The following SGCE variants were observed in gnomAD, a reference collection of about 807,000 sequenced individuals.
The protein encoded by SGCE is sarcoglycan epsilon, also known as epsilon-sarcoglycan.
SGCE carries 26 observed loss-of-function variants against 57.8 expected under a neutral mutation model. The observed-to-expected ratio is 0.45, with a 90% CI of 0.33 to 0.62. SGCE has a LOEUF of 0.62. Among genes scored for constraint, SGCE ranks in the 20% least tolerant of loss-of-function variants. SGCE has a pLI of 0.02. For synonymous variants in SGCE, 183 were observed against 189.5 expected (o/e 0.97, Z 0.28); for missense variants, 468 against 548.6 (o/e 0.85, Z 1.47).
At chr7:94,591,768 TCA>T (rs1209598556) in intron 9 of SGCE, among the ~76,000 whole-genome samples, 1 of 151,798 alleles carries the variant, frequency 6.6e-6, no homozygotes, top group Non-Finnish European at 1.5e-5. Flanking sequence ...ACTTTCTAAA[TCA>T]CAATGGGCTG....
chr7:94,593,106 G>C (rs182574113), intron 9 of SGCE, among the ~76,000 whole-genome samples: 1 of 152,028 alleles, frequency 6.6e-6, no homozygotes, highest in East Asian at 1.9e-4. Flanking sequence ...AGTTGTCATT[G>C]TGACCAAAAG....
chr7:94,593,045 T>C (rs1474161603), intron 9 of SGCE, among the ~76,000 whole-genome samples: 3 of 152,154 alleles, frequency 2.0e-5, no homozygotes, highest in Non-Finnish European at 4.4e-5. Context: ...TCAACTGATA[T>C]TAACTTTTAT....
intron 5 of SGCE, among the ~76,000 whole-genome samples, chr7:94,604,994 A>G (rs1205307126): frequency 1.3e-5 from 2 of 151,574 alleles, no homozygotes; most frequent in East Asian, 1.9e-4. Flanking sequence ...AAAACTAATC[A>G]TAGAATTACA....
At chr7:94,599,899 C>A in intron 7 of SGCE, 176 bp from the exon 8 acceptor site, 2 of 512,072 alleles carry the variant, frequency 3.9e-6, no homozygotes, top group Non-Finnish European at 6.9e-6. Flanking sequence ...ACACATACAG[C>A]GATGGAATAC....
intron 10 of SGCE, among the ~76,000 whole-genome samples, chr7:94,585,843 T>TA (rs1554336199): frequency 4.0e-5 from 6 of 151,768 alleles, no homozygotes; most frequent in Non-Finnish European, 8.8e-5. Flanking sequence ...TCGTGGCTTT[T>TA]AAAAAAATAT....
At chr7:94,604,280 TA>T (rs1273029559) in intron 5 of SGCE, among the ~76,000 whole-genome samples, 2 of 152,056 alleles carry the variant, frequency 1.3e-5, no homozygotes, top group African/African-American at 4.8e-5. Flanking sequence ...TTCCTTTTCA[TA>T]ATGACAATGC....
chr7:94,642,477 A>T lies in SGCE; in HGVS notation c.110-12636T>A, dbSNP rs1365595473. Among the ~76,000 whole-genome samples, 3 of 152,100 alleles carry T rather than the reference A, an allele frequency of 2.0e-5. No individual in the cohort carries two copies. In the South Asian group the frequency reaches 6.2e-4, roughly 32 times the overall value. On this transcript the variant is annotated intron_variant, in intron 1 of 10. Transcript: ENST00000648936. ...TCCCCCAAAATACATATTCACATGT[A>T]CCCCCAAAATATACATAGTAAAAAA...
intron 1 of SGCE, among the ~76,000 whole-genome samples, chr7:94,640,446 C>T (rs1255497930): frequency 6.6e-6 from 1 of 152,100 alleles, no homozygotes; most frequent in Non-Finnish European, 1.5e-5. Context: ...ATCCAAACTG[C>T]CAATCTGCTG....
intron 1 of SGCE, among the ~76,000 whole-genome samples, chr7:94,641,286 G>A (rs1806347599): frequency 6.6e-6 from 1 of 152,186 alleles, no homozygotes; most frequent in South Asian, 2.1e-4. Flanking sequence ...AGTGGTGAGA[G>A]TAGAAGCCAA....
At chr7:94,594,188 C>A (rs1037742004) in intron 9 of SGCE, among the ~76,000 whole-genome samples, 1 of 152,054 alleles carries the variant, frequency 6.6e-6, no homozygotes, top group Non-Finnish European at 1.5e-5. Flanking sequence ...GATGTGAAGT[C>A]TTTGGTCACA....
At chr7:94,601,481 A>G (rs547499734) in intron 6 of SGCE, among the ~76,000 whole-genome samples, 1 of 145,628 alleles carries the variant, frequency 6.9e-6, no homozygotes, top group African/African-American at 2.5e-5. Flanking sequence ...AAAAAACTAC[A>G]ACAGTTGCAC....
intron 9 of SGCE, among the ~76,000 whole-genome samples, chr7:94,596,902 T>C (rs1798477406): frequency 6.6e-6 from 1 of 152,194 alleles, no homozygotes; most frequent in South Asian, 2.1e-4. Context: ...ATAATAACCT[T>C]AAAGAATAAG....
At chr7:94,623,649 G>A in intron 3 of SGCE, 3 of 489,346 alleles carry the variant, frequency 6.1e-6, no homozygotes, top group Non-Finnish European at 1.1e-5. Context: ...TTTCATAGAA[G>A]GCCATTAAGC....
chr7:94,602,538 A>G (rs1799423998), intron 6 of SGCE, among the ~76,000 whole-genome samples: 1 of 152,154 alleles, frequency 6.6e-6, no homozygotes, highest in Non-Finnish European at 1.5e-5. Context: ...TTATATCTAA[A>G]AGATCACTAA....
In SGCE at chr7:94,586,706, C is replaced by T. The variant is rs185746195; in HGVS notation, c.1298-1191G>A. The T allele has an allele frequency of 1.7e-3, 512 of 302,932 alleles. 3 individuals are homozygous for T. Among genetic ancestry groups the T allele is most frequent in the Middle Eastern group, 7.5e-3 (5 of 666 alleles). 18.8% of individuals were successfully genotyped at this position (302,932 alleles called of 1,614,324 possible). A position where few individuals can be genotyped will look rare whatever the true frequency, so the allele number is the denominator to read the frequency against. On this transcript the variant is annotated intron_variant, in intron 10 of 10. Transcript: ENST00000648936. Reference sequence around the variant, plus strand: ...TAGTAGAGACAGGGCTTCGCCATGTCGGGCAGGCTGGTCTTGAACTCCTGA... The same window carrying T: ...TAGTAGAGACAGGGCTTCGCCATGTTGGGCAGGCTGGTCTTGAACTCCTGA...
chr7:94,627,923 CT>C (rs1803993798), intron 3 of SGCE: 1 of 364,098 alleles, frequency 2.7e-6, no homozygotes, highest in East Asian at 5.2e-5. Context: ...CAATTATTTT[CT>C]CAAATAGAAT....
intron 1 of SGCE, among the ~76,000 whole-genome samples, chr7:94,653,255 G>C (rs1808138723): frequency 6.6e-6 from 1 of 152,202 alleles, no homozygotes; most frequent in East Asian, 1.9e-4. Context: ...ATCCCACTTT[G>C]TTTTGAAATA....
intron 3 of SGCE, chr7:94,626,282 T>C (rs1803703297): frequency 6.6e-6 from 1 of 152,096 alleles, no homozygotes; most frequent in Admixed American, 6.6e-5. Context: ...ACAAATTTCA[T>C]ATAGTGAAAT....
At chr7:94,607,644 A>G (rs181784216) in intron 5 of SGCE, among the ~76,000 whole-genome samples, 1 of 152,292 alleles carries the variant, frequency 6.6e-6, no homozygotes, top group Admixed American at 6.5e-5. Context: ...ATAGAGGGGA[A>G]TTTCCTCAAT....
Sources: gnomAD v4.1 joint callset for allele counts (sites outside exome capture counted in the v4.1 genomes callset) on GRCh38, gnomAD v4.1.1 for gene constraint, MANE v1.5 for transcripts, NCBI Gene and HGNC (gene_info 2026-07-23, HGNC 2026-07-21) for gene names.